SIRPB1: variants seen among roughly 807,000 people sequenced by gnomAD.
SIRPB1 encodes signal regulatory protein beta 1.
Under a neutral mutation model 34.1 loss-of-function variants are expected in SIRPB1, and 28 were observed. The ratio of observed to expected loss-of-function variants is 0.82; its 90% CI spans 0.61 to 1.12. The LOEUF (loss-of-function observed/expected upper bound fraction) is 1.12. SIRPB1 is among the 50% of genes most tolerant of loss of function. SIRPB1 has a pLI of 0.00. For missense variants in SIRPB1, 499 were observed against 507.0 expected, an observed-to-expected ratio of 0.98 and a Z score of 0.15; for synonymous variants, 211 against 203.8, an observed-to-expected ratio of 1.04 and a Z score of -0.30.
chr20:1,566,515 T>C (rs541176866), intron 4 of SIRPB1, among the ~76,000 whole-genome samples: 1 of 152,302 alleles, frequency 6.6e-6, no homozygotes, highest in East Asian at 1.9e-4. Context: ...AGAGAGTGTG[T>C]GCTCAGGTAT....
Position 1,576,411 on chromosome 20 carries a change from G to GT in SIRPB1, c.433+1926dup, listed in dbSNP as rs918560094. Among the ~76,000 whole-genome samples, 5 of 147,788 alleles carry GT rather than the reference G, an allele frequency of 3.4e-5. 1 individual carries two copies. The highest frequency in any genetic ancestry group is 6.1e-5 in the Non-Finnish European group (4 of 65,992). On this transcript the variant is annotated intron_variant, in intron 2 of 5. Coordinates refer to ENST00000381605, the MANE Select transcript of SIRPB1 (RefSeq NM_006065.5). The stretch of plus-strand genomic sequence containing the variant: ...AAGCTATGTGTCTTCTGGAGGTTCT[G>GT]TTTTTTTGCCTTTCCAAATTCCAGA...
chr20:1,613,710 A>G (rs2091590166), intron 1 of SIRPB1, among the ~76,000 whole-genome samples: 1 of 152,222 alleles, frequency 6.6e-6, no homozygotes, highest in Admixed American at 6.5e-5. Context: ...AGAATAAAGT[A>G]TAGAGCACAG....
intron 4 of SIRPB1, 191 bp downstream of exon 4, chr20:1,570,614 G>T (rs1323492830): frequency 3.7e-6 from 2 of 544,864 alleles, no homozygotes; most frequent in African/African-American, 1.9e-5. Flanking sequence ...GGGGCTTAAG[G>T]GTGTCTACAA....
intron 2 of SIRPB1, 23 bp from the exon 3 acceptor site, chr20:1,572,060 C>G (rs767989870): frequency 3.1e-6 from 5 of 1,613,834 alleles, no homozygotes; most frequent in South Asian, 2.2e-5. Context: ...CATCGATAAT[C>G]AGGAGACATG....
intron 1 of SIRPB1, among the ~76,000 whole-genome samples, chr20:1,612,212 G>C (rs112800181): frequency 0.38 from 26,510 of 70,538 alleles, 11,601 homozygotes; most frequent in Middle Eastern, 0.59. Context: ...CCAGACTGGT[G>C]TCTACCTCTT....
intron 1 of SIRPB1, among the ~76,000 whole-genome samples, chr20:1,579,160 C>G (rs1027329696): frequency 1.4e-5 from 2 of 147,984 alleles, no homozygotes; most frequent in African/African-American, 4.9e-5. Context: ...CCATGTTGCC[C>G]ACAGTGGTCT....
At chr20:1,569,410 C>T (rs1284865509) in intron 4 of SIRPB1, among the ~76,000 whole-genome samples, 2 of 152,204 alleles carry the variant, frequency 1.3e-5, no homozygotes, top group Admixed American at 1.3e-4. Context: ...TGGACAATGA[C>T]ACTGGTTTTG....
intron 1 of SIRPB1, among the ~76,000 whole-genome samples, chr20:1,617,685 A>G (rs2091649788): frequency 6.6e-6 from 1 of 152,178 alleles, no homozygotes; most frequent in Non-Finnish European, 1.5e-5. Context: ...ATTTTGAGAG[A>G]TCTCACCACA....
chr20:1,565,812 C>T (rs1282315526), intron 5 of SIRPB1, among the ~76,000 whole-genome samples: 2 of 151,848 alleles, frequency 1.3e-5, no homozygotes, highest in East Asian at 2.0e-4. Flanking sequence ...CCCATGGAGT[C>T]CCAGCAGTGG....
At position 1,564,937 on chromosome 20, in the gene SIRPB1, G is replaced by C. The variant is rs2122152873; in HGVS notation, c.*563C>G. The C allele has an allele frequency of 2.5e-6, 1 of 398,608 alleles. No individual in the cohort carries two copies. The highest frequency in any genetic ancestry group is 1.3e-4 in the South Asian group (1 of 7,862). The allele number at this position is 398,608 out of a possible 1,614,324, so 24.7% of individuals were successfully genotyped here. On this transcript the variant is annotated 3_prime_UTR_variant, in exon 6 of 6. Transcript: ENST00000381605. ...CATTTCTACCACAAGCAGCAGGACT[G>C]GGAAGGCTGCAGGATACTAGAAGAA...
chr20:1,589,163 T>C lies in SIRPB1; in HGVS notation c.77-10469A>G, dbSNP rs151069299. ...CTTGAAATGATTCCTTATTCAAACC[T>C]TTTAATGATATAACTGGCAAAACGT... On this transcript the variant is annotated intron_variant, in intron 1 of 5. Coordinates refer to ENST00000381605, the MANE Select transcript of SIRPB1 (RefSeq NM_006065.5). 4.1e-5 allele frequency among the ~76,000 whole-genome samples: 2 copies of C among 49,182 alleles called. 1 individual carries two copies. The highest frequency in any genetic ancestry group is 2.7e-4 in the African/African-American group (2 of 7,440). 32.3% of individuals were successfully genotyped at this position (49,182 alleles called of 152,430 possible). A position where few individuals can be genotyped will look rare whatever the true frequency, so the allele number is the denominator to read the frequency against.
chr20:1,571,245 G>T (rs890587967), intron 3 of SIRPB1, 108 bp from the exon 4 acceptor site: 4 of 1,155,434 alleles, frequency 3.5e-6, no homozygotes, highest in Middle Eastern at 3.0e-4. Context: ...CCAGGACAGT[G>T]CTAGGCAGGC....
Position 1,562,473 on chromosome 20 carries a change from A to G in SIRPB1, c.*3027T>C, listed in dbSNP as rs2091089532. Among the ~76,000 whole-genome samples, 1 of 147,356 alleles carries G rather than the reference A, an allele frequency of 6.8e-6. No homozygotes were observed. The highest frequency in any genetic ancestry group is 6.9e-5 in the Admixed American group (1 of 14,404). ...CCCCCCACGATATAACTGACATTCC[A>G]TTTGCGTAACATAGATAAATACAGG... On this transcript the variant is annotated 3_prime_UTR_variant, in exon 6 of 6. Transcript: ENST00000381605.
In SIRPB1 at chr20:1,571,940, T is replaced by C. The variant is rs2091246693; in HGVS notation, c.531A>G (p.Arg177=). 6.2e-7 allele frequency: 1 copy of C among 1,614,052 alleles called. No homozygotes were observed. The highest frequency in any genetic ancestry group is 8.5e-7 in the Non-Finnish European group (1 of 1,180,038). ...FTCESHGFSP[R]DITLKWFKNG... ...TTTTGAACCATTTCAGGGTGATGTCTCTGGGAGAGAAGCCATGGGACTCGC... is the reference window on the plus strand; with the variant it reads ...TTTTGAACCATTTCAGGGTGATGTCCCTGGGAGAGAAGCCATGGGACTCGC... Residue 177 remains arginine, a synonymous_variant, in exon 3 of 6, where the codon AGA becomes AGG. Coordinates refer to ENST00000381605, the MANE Select transcript of SIRPB1 (RefSeq NM_006065.5).
rs1299613909 is a variant in SIRPB1 at position 1,572,682 on chromosome 20, T to C, written c.434-645A>G. 2.6e-5 allele frequency among the ~76,000 whole-genome samples: 4 copies of C among 152,072 alleles called. No homozygotes were observed. In the East Asian group the frequency reaches 7.7e-4, roughly 29 times the overall value. ...CAGACTTTACAGATACACAGAGGTC[T>C]CTCTTTAGGTATTATAAAAATATGA... On this transcript the variant is annotated intron_variant, in intron 2 of 5. Transcript: ENST00000381605.
chr20:1,601,816 C>T lies in SIRPB1; in HGVS notation c.76+18053G>A, dbSNP rs1332189194. Among the ~76,000 whole-genome samples, 2 of 48,392 alleles carry T rather than the reference C, an allele frequency of 4.1e-5. 1 individual carries two copies. The highest frequency in any genetic ancestry group is 7.9e-5 in the Non-Finnish European group (2 of 25,358). The allele number at this position is 48,392 out of a possible 152,430, so 31.7% of individuals were successfully genotyped here. On this transcript the variant is annotated intron_variant, in intron 1 of 5. Coordinates refer to ENST00000381605, the MANE Select transcript of SIRPB1 (RefSeq NM_006065.5). ...CTAAGAACTCTGGAAATATGAGGAG[C>T]AGGCATAGGAGAACTTCCAAGGTGA... is the stretch of plus-strand genomic sequence containing the variant.
intron 3 of SIRPB1, 79 bp from the exon 4 acceptor site, chr20:1,571,216 C>T (rs2091231235): frequency 5.0e-6 from 7 of 1,399,982 alleles, no homozygotes; most frequent in Admixed American, 4.1e-5. Flanking sequence ...TAGCTCCCAC[C>T]AACACAGTGA....
At chr20:1,588,659 T>C in intron 1 of SIRPB1, 1 of 580,520 alleles carries the variant, frequency 1.7e-6, no homozygotes, top group Non-Finnish European at 2.3e-6. Flanking sequence ...GCCTGCTCTG[T>C]TCAAACGTCT....
chr20:1,562,366 C>T lies in SIRPB1; in HGVS notation c.*3134G>A, dbSNP rs1287501710. ...CAATGACCTCAATGATGTATTCACT[C>T]ATTTAAAAAAATTGACAGCCTATTA... is the stretch of plus-strand genomic sequence containing the variant. On this transcript the variant is annotated 3_prime_UTR_variant, in exon 6 of 6. Transcript: ENST00000381605. 3.9e-5 allele frequency among the ~76,000 whole-genome samples: 6 copies of T among 152,116 alleles called. No individual in the cohort carries two copies. In the East Asian group the frequency reaches 9.6e-4, roughly 24 times the overall value.
Sources: gnomAD v4.1 joint callset for allele counts (sites outside exome capture counted in the v4.1 genomes callset) on GRCh38, gnomAD v4.1.1 for gene constraint, MANE v1.5 for transcripts, NCBI Gene and HGNC (gene_info 2026-07-23, HGNC 2026-07-21) for gene names.